The following THUMPD3 variants were observed in gnomAD, a reference collection of about 807,000 sequenced individuals.
THUMPD3 encodes THUMP domain 3 tRNA guanosine methyltransferase, also known as tRNA (guanine(6)-N(2))-methyltransferase THUMP3.
THUMPD3 carries 44 observed loss-of-function variants against 54.5 expected under a neutral mutation model. The ratio of observed to expected loss-of-function variants is 0.81; its 90% CI spans 0.63 to 1.04. THUMPD3 has a LOEUF of 1.04. Among genes scored for constraint, THUMPD3 ranks in the 50% least tolerant of loss-of-function variants. The pLI is 0.00. For synonymous variants in THUMPD3, 196 were observed against 201.4 expected (o/e 0.97, Z 0.23); for missense variants, 604 against 601.3 (o/e 1.00, Z -0.05).
rs1388178861 is a variant in THUMPD3 at position 9,383,203 on chromosome 3, C to T, written c.1129C>T (p.Pro377Ser). ...ACCTTTCCTTTGTCCCCACAGCAAA[C>T]CCTCCTGGGGCTTGCCCATAGATGC... ...LTKSQIKEGKPSWGLPIDAVQ... is the reference protein window; with the variant it reads ...LTKSQIKEGKSSWGLPIDAVQ... The change falls in exon 8 of 10, where the codon CCC (proline) becomes TCC (serine). Residue 377 changes from proline (P) to serine (S), a missense_variant. Physicochemically the swap from Pro to Ser is moderately conservative, Grantham distance 74 (BLOSUM62 -1). Coordinates refer to ENST00000452837, the MANE Select transcript of THUMPD3 (RefSeq NM_001114092.2). The T allele has an allele frequency of 3.1e-6, 5 of 1,612,846 alleles. No homozygotes were observed. In the East Asian group the frequency reaches 1.1e-4, roughly 36 times the overall value.
rs1575053111 is a variant in THUMPD3 at position 9,366,972 on chromosome 3, TCAAA to T, written c.326_329del (p.Thr109ArgfsTer5). On this transcript the variant is annotated frameshift_variant, in exon 3 of 10. Transcript: ENST00000452837. LOFTEE classifies it high-confidence loss of function. ...GTTCAGGAGTTTCAAGATTACCAGT[TCAAA>T]CAAACAAAGGTGAGCTATCCTAAAC... 6.2e-7 allele frequency: 1 copy of T among 1,613,544 alleles called. No individual in the cohort carries two copies. Among genetic ancestry groups the T allele is most frequent in the Non-Finnish European group, 8.5e-7 (1 of 1,179,782 alleles).
At chr3:9,382,513 CTG>C (rs998515037) in intron 7 of THUMPD3, among the ~76,000 whole-genome samples, 2 of 152,098 alleles carry the variant, frequency 1.3e-5, no homozygotes, top group African/African-American at 4.8e-5. Flanking sequence ...ATTTTACTAT[CTG>C]TTTTTCTTTT....
chr3:9,382,897 C>T (rs2125334187), intron 7 of THUMPD3: 1 of 216,922 alleles, frequency 4.6e-6, no homozygotes, highest in Non-Finnish European at 9.5e-6. Flanking sequence ...CTGCTAACTT[C>T]TTAAAAAAGT....
chr3:9,383,257 T>C lies in THUMPD3; in HGVS notation c.1183T>C (p.Leu395=), dbSNP rs139893350. 127 of 1,613,982 alleles carry C rather than the reference T, an allele frequency of 7.9e-5. No individual in the cohort carries two copies. The highest frequency in any genetic ancestry group is 4.9e-4 in the Middle Eastern group (3 of 6,082). The part of the protein sequence containing the change: ...AVQWDICNLP[L]RTGSVDIIVT... ...TCAGTGGGATATCTGCAATCTGCCA[T>C]TGAGAACTGGCTCTGTGGATATTAT... Residue 395 remains leucine, a synonymous_variant, in exon 8 of 10, where the codon TTG becomes CTG. Transcript: ENST00000452837.
At position 9,371,052 on chromosome 3, in the gene THUMPD3, C is replaced by A; in HGVS notation, c.331-8C>A. 1 of 1,542,338 alleles carries A rather than the reference C, an allele frequency of 6.5e-7. No homozygotes were observed. The highest frequency in any genetic ancestry group is 1.3e-5 in the South Asian group (1 of 78,480). On this transcript the variant is annotated splice_region_variant and splice_polypyrimidine_tract_variant and intron_variant, in intron 3 of 9. Transcript: ENST00000452837. ...AAATGAATGAATTTCTTTCTCTGTC[C>A]TTTACAGGAAGAAGTTCTAAAGGAT...
chr3:9,377,746 G>C (rs931081112), intron 5 of THUMPD3, 73 bp from the exon 6 acceptor site: 7 of 1,203,044 alleles, frequency 5.8e-6, no homozygotes, highest in Admixed American at 3.7e-5. Flanking sequence ...CAATCTTAAA[G>C]CTTCAGGAAT....
rs1022446996 is a variant in THUMPD3 at position 9,363,114 on chromosome 3, T to A, written c.-67T>A. The A allele has an allele frequency of 2.0e-5, 3 of 152,518 alleles. No homozygotes were observed. The highest frequency in any genetic ancestry group is 2.0e-4 in the Admixed American group (3 of 15,294). The allele number at this position is 152,518 out of a possible 1,614,324, so 9.4% of individuals were successfully genotyped here. On this transcript the variant is annotated 5_prime_UTR_variant, in exon 1 of 10. Coordinates refer to ENST00000452837, the MANE Select transcript of THUMPD3 (RefSeq NM_001114092.2). ...ATGGAGTGTGGGAGCTGAAAGGGTC[T>A]TCGCTGGCGGCCGGTAACTGGCGGC...
intron 3 of THUMPD3, among the ~76,000 whole-genome samples, chr3:9,368,360 A>ATTTTT (rs764732133): frequency 8.6e-6 from 1 of 116,948 alleles, no homozygotes; most frequent in Non-Finnish European, 1.7e-5. Flanking sequence ...ACCCGCGCAT[A>ATTTTT]TTTTTTTTTT....
intron 2 of THUMPD3, 90 bp from the exon 3 acceptor site, chr3:9,366,816 CTA>C: frequency 9.8e-7 from 1 of 1,016,162 alleles, no homozygotes; most frequent in Non-Finnish European, 1.4e-6. Context: ...TGCTTTAAAA[CTA>C]TCATTCCTAA....
intron 6 of THUMPD3, 115 bp from the exon 7 acceptor site, chr3:9,380,388 C>G: frequency 3.0e-6 from 2 of 671,020 alleles, no homozygotes; most frequent in Non-Finnish European, 5.1e-6. Context: ...GCACAGTTGA[C>G]AACATGCAAT....
intron 8 of THUMPD3, 115 bp downstream of exon 8, chr3:9,383,424 C>T (rs1446502505): frequency 5.8e-6 from 4 of 690,402 alleles, no homozygotes; most frequent in South Asian, 3.4e-5. Context: ...CTGTTTTTCA[C>T]TTAACAACAT....
At position 9,374,572 on chromosome 3, in the gene THUMPD3, G is replaced by A. The variant is rs779033613; in HGVS notation, c.864G>A (p.Glu288=). Residue 288 remains glutamate, a synonymous_variant, in exon 5 of 10, where the codon GAG becomes GAA. Transcript: ENST00000452837. Reference sequence around the variant, plus strand: ...TTGTGGGCATTGCATTGACTGAAGAGAGTCTCCACCGAAGAAATATAACAC... The same window carrying A: ...TTGTGGGCATTGCATTGACTGAAGAAAGTCTCCACCGAAGAAATATAACAC... ...EVIVGIALTE[E]SLHRRNITHF... is the part of the protein sequence containing the mutation. 1.2e-6 allele frequency: 2 copies of A among 1,614,086 alleles called. No homozygotes were observed. Among genetic ancestry groups the A allele is most frequent in the Admixed American group, 3.3e-5 (2 of 60,022 alleles).
At chr3:9,375,652 AG>A (rs1297537680) in intron 5 of THUMPD3, among the ~76,000 whole-genome samples, 1 of 152,234 alleles carries the variant, frequency 6.6e-6, no homozygotes, top group Non-Finnish European at 1.5e-5. Flanking sequence ...ACTTAATGAC[AG>A]GGATACATTC....
Position 9,384,683 on chromosome 3 carries a change from G to T in THUMPD3, c.1519G>T (p.Glu507Ter). The T allele has an allele frequency of 6.2e-7, 1 of 1,614,154 alleles. No individual in the cohort carries two copies. The highest frequency in any genetic ancestry group is 8.5e-7 in the Non-Finnish European group (1 of 1,180,034). ...GERGTLWQCK[E>*] ...AAGAGGAACTCTTTGGCAATGCAAA[G>T]AATGAAGATGACTAATAGTACTTGT... is the stretch of plus-strand genomic sequence containing the variant. Residue 507 changes from glutamate to a stop codon, truncating the protein, a stop_gained, in exon 10 of 10, where the codon GAA becomes TAA. Transcript: ENST00000452837. LOFTEE classifies it high-confidence loss of function.
At chr3:9,364,539 G>C in intron 1 of THUMPD3, among the ~76,000 whole-genome samples, 1 of 151,932 alleles carries the variant, frequency 6.6e-6, no homozygotes. Context: ...TAGAGACGGG[G>C]TTTCACCATG....
intron 6 of THUMPD3, among the ~76,000 whole-genome samples, chr3:9,378,767 C>T (rs571899899): frequency 5.3e-4 from 81 of 152,158 alleles, no homozygotes; most frequent in African/African-American, 1.8e-3. Flanking sequence ...GACTGTGTTC[C>T]GTGAAAGCTA....
intron 6 of THUMPD3, among the ~76,000 whole-genome samples, chr3:9,378,475 A>G (rs1361914870): frequency 6.6e-6 from 1 of 152,240 alleles, no homozygotes; most frequent in Non-Finnish European, 1.5e-5. Flanking sequence ...CCCTTGAATA[A>G]TCAGTATCAT....
chr3:9,376,171 A>G (rs1329826815), intron 5 of THUMPD3, among the ~76,000 whole-genome samples: 1 of 152,230 alleles, frequency 6.6e-6, no homozygotes, highest in Non-Finnish European at 1.5e-5. Context: ...GTTTAGGATA[A>G]AAAAGTGATA....
chr3:9,373,004 T>C (rs1165315805), intron 4 of THUMPD3, among the ~76,000 whole-genome samples: 1 of 152,184 alleles, frequency 6.6e-6, no homozygotes, highest in Non-Finnish European at 1.5e-5. Context: ...TCCAGTACTT[T>C]GGGAGGCCTT....
Sources: allele counts gnomAD v4.1 joint callset (sites outside exome capture counted in the v4.1 genomes callset), GRCh38; gene constraint gnomAD v4.1.1; transcripts MANE v1.5; gene names NCBI Gene and HGNC (gene_info 2026-07-23, HGNC 2026-07-21).